ATG5: variants seen among roughly 807,000 people sequenced by gnomAD.
ATG5 encodes the protein autophagy protein 5.
A neutral mutation model predicts 36.5 loss-of-function variants in ATG5; 14 were observed. The observed-to-expected ratio is 0.38, with a 90% CI of 0.25 to 0.60. The LOEUF (loss-of-function observed/expected upper bound fraction) is 0.60. ATG5 is among the 20% of genes least tolerant of loss of function. The probability of loss-of-function intolerance (pLI) is 0.60; values close to 1 mark genes in which losing one functional copy is unlikely to be tolerated. For missense variants in ATG5, 195 were observed against 326.7 expected (o/e 0.60, Z 3.11); for synonymous variants, 95 against 101.5 (o/e 0.94, Z 0.38).
chr6:106,192,101 C>T (rs1322373915), intron 7 of ATG5, among the ~76,000 whole-genome samples: 1 of 151,920 alleles, frequency 6.6e-6, no homozygotes, highest in African/African-American at 2.4e-5. Flanking sequence ...GTATTAGAAA[C>T]CTTCACGTTT....
chr6:106,312,081 T>G (rs956468010), intron 2 of ATG5, among the ~76,000 whole-genome samples: 4 of 152,212 alleles, frequency 2.6e-5, no homozygotes, highest in Non-Finnish European at 4.4e-5. Flanking sequence ...TCCACCCACC[T>G]TGGCCTCCCA....
chr6:106,228,962 G>A (rs1481055768), intron 6 of ATG5, among the ~76,000 whole-genome samples: 2 of 152,192 alleles, frequency 1.3e-5, no homozygotes, highest in South Asian at 4.1e-4. Flanking sequence ...CCGAACTCCC[G>A]GCATTAGCCG....
At chr6:106,240,229 ATT>A (rs996817918) in intron 6 of ATG5, among the ~76,000 whole-genome samples, 1 of 151,384 alleles carries the variant, frequency 6.6e-6, no homozygotes, top group African/African-American at 2.4e-5. Flanking sequence ...ATATATTTAT[ATT>A]TTTTATATAG....
intron 5 of ATG5, among the ~76,000 whole-genome samples, chr6:106,250,259 T>C (rs988797905): frequency 6.6e-6 from 1 of 151,996 alleles, no homozygotes; most frequent in East Asian, 1.9e-4. Flanking sequence ...TGTATATTTT[T>C]AAAAAATTTC....
At chr6:106,252,645 C>A (rs1425992023) in intron 5 of ATG5, among the ~76,000 whole-genome samples, 2 of 152,162 alleles carry the variant, frequency 1.3e-5, no homozygotes, top group Non-Finnish European at 2.9e-5. Flanking sequence ...CAAAATAATT[C>A]TTATGCCACA....
chr6:106,318,073 T>C (rs990574444), intron 1 of ATG5, among the ~76,000 whole-genome samples: 1 of 152,200 alleles, frequency 6.6e-6, no homozygotes, highest in Non-Finnish European at 1.5e-5. Context: ...AAGCTTAAAG[T>C]TGAAGTCACT....
chr6:106,189,173 C>T (rs114849531), intron 7 of ATG5, among the ~76,000 whole-genome samples: 2,827 of 152,214 alleles, frequency 0.019, 91 homozygotes, highest in African/African-American at 0.064. Flanking sequence ...ATAACTCTAC[C>T]CGTAAAGACT....
chr6:106,275,156 C>T (rs921903946), intron 5 of ATG5, among the ~76,000 whole-genome samples: 1 of 152,134 alleles, frequency 6.6e-6, no homozygotes, highest in Non-Finnish European at 1.5e-5. Flanking sequence ...ATTAAAGCAT[C>T]AGTAGGAGTT....
At chr6:106,229,725 G>T (rs1407978595) in intron 6 of ATG5, among the ~76,000 whole-genome samples, 2 of 152,156 alleles carry the variant, frequency 1.3e-5, no homozygotes, top group Non-Finnish European at 2.9e-5. Context: ...ACAACCCATA[G>T]CCTTCCTATC....
At chr6:106,230,435 C>T (rs1368073351) in intron 6 of ATG5, among the ~76,000 whole-genome samples, 1 of 152,142 alleles carries the variant, frequency 6.6e-6, no homozygotes, top group Non-Finnish European at 1.5e-5. Flanking sequence ...GGTAAAGGAC[C>T]ACTAGAATCC....
intron 6 of ATG5, among the ~76,000 whole-genome samples, chr6:106,206,527 G>A (rs947615769): frequency 2.6e-5 from 4 of 151,972 alleles, no homozygotes; most frequent in African/African-American, 7.3e-5. Flanking sequence ...GTGGGCGCCT[G>A]TAATCCCAGC....
intron 3 of ATG5, among the ~76,000 whole-genome samples, chr6:106,299,802 A>G (rs562626029): frequency 6.6e-6 from 1 of 152,256 alleles, no homozygotes; most frequent in Non-Finnish European, 1.5e-5. Context: ...TTCTAAAATC[A>G]GCACTGAAAG....
intron 2 of ATG5, among the ~76,000 whole-genome samples, chr6:106,313,203 A>T (rs1463769861): frequency 6.6e-6 from 1 of 152,146 alleles, no homozygotes; most frequent in African/African-American, 2.4e-5. Context: ...AGAGAAGTAA[A>T]TGTGTGGGAT....
At chr6:106,217,120 T>A (rs534338020) in intron 6 of ATG5, among the ~76,000 whole-genome samples, 32 of 152,186 alleles carry the variant, frequency 2.1e-4, no homozygotes, top group Admixed American at 4.6e-4. Context: ...AAACAAATTT[T>A]AAAAAAATTA....
At chr6:106,295,828 T>G (rs1769903340) in intron 3 of ATG5, among the ~76,000 whole-genome samples, 1 of 152,194 alleles carries the variant, frequency 6.6e-6, no homozygotes, top group Non-Finnish European at 1.5e-5. Flanking sequence ...CCACCCAAAG[T>G]AATGAGATTA....
rs1775755898 is a variant in ATG5 at position 106,186,072 on chromosome 6, A to G, written c.*468T>C. The G allele has an allele frequency of 6.5e-6, 1 of 153,984 alleles. No homozygotes were observed. The highest frequency in any genetic ancestry group is 1.5e-5 in the Non-Finnish European group (1 of 68,866). 9.5% of individuals were successfully genotyped at this position (153,984 alleles called of 1,614,324 possible). ...ACTGTAATTCAATCTTTTACAAAAA[A>G]TTACTTGCAAGTTATTGATAACAGA... On this transcript the variant is annotated 3_prime_UTR_variant, in exon 8 of 8. Transcript: ENST00000369076.
At chr6:106,283,429 T>G (rs1779954590) in intron 4 of ATG5, 1 of 152,158 alleles carries the variant, frequency 6.6e-6, no homozygotes. Flanking sequence ...AGGGTCTCAT[T>G]ATGCTGCCCA....
At chr6:106,210,753 T>G (rs1361014431) in intron 6 of ATG5, among the ~76,000 whole-genome samples, 2 of 152,222 alleles carry the variant, frequency 1.3e-5, no homozygotes, top group Admixed American at 1.3e-4. Context: ...AATTGTATCA[T>G]CTATAAAATG....
intron 5 of ATG5, among the ~76,000 whole-genome samples, chr6:106,252,048 C>A (rs183731646): frequency 5.3e-5 from 8 of 152,198 alleles, no homozygotes; most frequent in African/African-American, 1.9e-4. Flanking sequence ...ACCATGTTGG[C>A]CAGGCTGGTC....
Sources: allele counts gnomAD v4.1 joint callset (sites outside exome capture counted in the v4.1 genomes callset), GRCh38; gene constraint gnomAD v4.1.1; transcripts MANE v1.5; gene names NCBI Gene and HGNC (gene_info 2026-07-23, HGNC 2026-07-21).